The following THEMIS variants were observed in gnomAD, a reference collection of about 807,000 sequenced individuals.
The protein encoded by THEMIS is thymocyte selection associated.
Under a neutral mutation model 52.6 loss-of-function variants are expected in THEMIS, and 37 were observed. That is an observed-to-expected ratio of 0.70 (90% CI 0.54 to 0.93). The LOEUF is 0.93. THEMIS is among the 40% of genes least tolerant of loss of function. The probability of loss-of-function intolerance (pLI) is 0.00; values close to 1 mark genes in which losing one functional copy is unlikely to be tolerated. For synonymous variants in THEMIS, 292 were observed against 272.7 expected (o/e 1.07, Z -0.70); for missense variants, 808 against 763.1 (o/e 1.06, Z -0.69).
At chr6:127,849,946 A>G (rs570826663) in intron 2 of THEMIS, among the ~76,000 whole-genome samples, 1 of 152,302 alleles carries the variant, frequency 6.6e-6, no homozygotes, top group Non-Finnish European at 1.5e-5. Context: ...CAGAGTAAAC[A>G]GACAACCCAC....
chr6:127,895,430 A>G (rs1780935156), intron 1 of THEMIS, among the ~76,000 whole-genome samples: 2 of 151,736 alleles, frequency 1.3e-5, no homozygotes, highest in African/African-American at 4.8e-5. Flanking sequence ...ATTAGAATTA[A>G]CAAGGGAATT....
chr6:127,770,579 G>C (rs964221098), intron 4 of THEMIS, among the ~76,000 whole-genome samples: 3 of 152,124 alleles, frequency 2.0e-5, no homozygotes, highest in Non-Finnish European at 4.4e-5. Flanking sequence ...TAGGTTGCCT[G>C]TTCACTCTAA....
intron 4 of THEMIS, among the ~76,000 whole-genome samples, chr6:127,746,297 T>C (rs1775385947): frequency 6.6e-6 from 1 of 151,762 alleles, no homozygotes; most frequent in Admixed American, 6.6e-5. Flanking sequence ...GTATTTATGC[T>C]AGAAGCCATA....
chr6:127,873,486 G>A (rs529891687), intron 1 of THEMIS, among the ~76,000 whole-genome samples: 79 of 152,182 alleles, frequency 5.2e-4, no homozygotes, highest in Non-Finnish European at 8.5e-4. Flanking sequence ...CAAAAACAGC[G>A]CCACAGAAAT....
intron 4 of THEMIS, among the ~76,000 whole-genome samples, chr6:127,796,303 G>A (rs1455673757): frequency 6.6e-6 from 1 of 152,144 alleles, no homozygotes; most frequent in Non-Finnish European, 1.5e-5. Flanking sequence ...AGAAATTAGG[G>A]ATTAGAACTT....
chr6:127,719,867 A>G, intron 4 of THEMIS, 44 bp from the exon 5 acceptor site: 1 of 1,600,892 alleles, frequency 6.2e-7, no homozygotes, highest in East Asian at 2.3e-5. Flanking sequence ...TCCAAAATAA[A>G]TGCTTCATAG....
rs73773964 is a variant in THEMIS, at chr6:127,917,033, T to C, written c.-150+1395A>G. 5.1e-3 allele frequency among the ~76,000 whole-genome samples: 772 copies of C among 152,332 alleles called. 6 individuals are homozygous for C. The highest frequency in any genetic ancestry group is 0.018 in the African/African-American group (734 of 41,574). ...GAGTTTGCTTTTGCAAAAGCATTGA[T>C]GTTAAAATTTAGTCTATAGGGTCTA... On this transcript the variant is annotated intron_variant, in intron 1 of 6. Coordinates refer to the THEMIS transcript ENST00000368250.
chr6:127,816,267 T>C (rs1778130637), intron 3 of THEMIS, among the ~76,000 whole-genome samples: 1 of 141,696 alleles, frequency 7.1e-6, no homozygotes, highest in African/African-American at 2.6e-5. Context: ...GGTTCTCTTT[T>C]TCCCTCTATC....
rs71028110 is a variant in THEMIS at position 127,862,428 on chromosome 6, ATTTT to A, written c.92-7244_92-7241del. On this transcript the variant is annotated intron_variant, in intron 1 of 5. Transcript: ENST00000368248. Reference sequence around the variant, plus strand: ...GCAGGTGAAATCTCCTAGGGAGTAAATTTTTTTTTTTTTTTTTTTTTTGCTCTGT... The same window carrying A: ...GCAGGTGAAATCTCCTAGGGAGTAAATTTTTTTTTTTTTTTTTTGCTCTGT... Among the ~76,000 whole-genome samples, 43 of 72,800 alleles carry A rather than the reference ATTTT, an allele frequency of 5.9e-4. 1 individual carries two copies. The highest frequency in any genetic ancestry group is 8.6e-4 in the African/African-American group (18 of 21,040). The allele number at this position is 72,800 out of a possible 152,430, so 47.8% of individuals were successfully genotyped here.
chr6:127,890,945 A>G (rs1780786308), intron 1 of THEMIS, among the ~76,000 whole-genome samples: 1 of 152,118 alleles, frequency 6.6e-6, no homozygotes, highest in South Asian at 2.1e-4. Context: ...TTGATCAAAT[A>G]AAGTCCTGAT....
At position 127,829,488 on chromosome 6, in the gene THEMIS, C is replaced by A; in HGVS notation, c.697G>T (p.Gly233Cys). The A allele has an allele frequency of 6.2e-7, 1 of 1,603,232 alleles. No individual in the cohort carries two copies. The highest frequency in any genetic ancestry group is 8.5e-7 in the Non-Finnish European group (1 of 1,175,190). Residue 233 changes from glycine to cysteine, a missense_variant, in exon 3 of 6, where the codon GGT becomes TGT. Coordinates refer to ENST00000368248, the MANE Select transcript of THEMIS (RefSeq NM_001010923.3). The part of the protein sequence containing the change: ...LILKPVYEIQ[G>C]VMKFRKDIIR... Reference sequence around the variant, plus strand: ...AGTGGATACTCACATTTCATCACACCTTGAATTTCATAAACAGGCTTGAGA... The same window carrying A: ...AGTGGATACTCACATTTCATCACACATTGAATTTCATAAACAGGCTTGAGA...
chr6:127,826,900 C>A (rs982743074), intron 3 of THEMIS, among the ~76,000 whole-genome samples: 1 of 151,800 alleles, frequency 6.6e-6, no homozygotes. Context: ...GAGATTTTGG[C>A]CAAGTTTCCA....
chr6:127,814,070 G>A (rs1778044132), intron 3 of THEMIS, 139 bp from the exon 4 acceptor site: 1 of 759,610 alleles, frequency 1.3e-6, no homozygotes, highest in South Asian at 2.9e-5. Flanking sequence ...TCTTATGTGT[G>A]ATTTTCCTTT....
At chr6:127,801,989 G>A (rs1192063757) in intron 4 of THEMIS, among the ~76,000 whole-genome samples, 1 of 152,174 alleles carries the variant, frequency 6.6e-6, no homozygotes, top group African/African-American at 2.4e-5. Flanking sequence ...GGATCACCCT[G>A]AATTTGTTGA....
intron 4 of THEMIS, among the ~76,000 whole-genome samples, chr6:127,730,228 C>G (rs1177562298): frequency 6.8e-6 from 1 of 148,050 alleles, no homozygotes; most frequent in Non-Finnish European, 1.5e-5. Context: ...GATTGTGCCA[C>G]TGCAGTCCAG....
the THEMIS span, among the ~76,000 whole-genome samples, chr6:127,701,959 T>A: frequency 2.6e-5 from 4 of 152,140 alleles, no homozygotes; most frequent in Non-Finnish European, 2.9e-5. Context: ...TGGACTTATA[T>A]ATTGTAAATA....
At chr6:127,841,827 C>G (rs948503559) in intron 2 of THEMIS, among the ~76,000 whole-genome samples, 1 of 151,968 alleles carries the variant, frequency 6.6e-6, no homozygotes, top group African/African-American at 2.4e-5. Context: ...ACAAAATACC[C>G]CTTTTTGTCA....
chr6:127,852,133 G>T (rs892580030), intron 2 of THEMIS, among the ~76,000 whole-genome samples: 1 of 151,480 alleles, frequency 6.6e-6, no homozygotes, highest in African/African-American at 2.4e-5. Context: ...AACAAAAATT[G>T]CTACTAGAGT....
intron 4 of THEMIS, among the ~76,000 whole-genome samples, chr6:127,792,883 A>G (rs1777205173): frequency 6.6e-6 from 1 of 152,178 alleles, no homozygotes; most frequent in Non-Finnish European, 1.5e-5. Context: ...GAACAGGTAC[A>G]CTTTTTCCCA....
Sources: allele counts gnomAD v4.1 joint callset (sites outside exome capture counted in the v4.1 genomes callset), GRCh38; gene constraint gnomAD v4.1.1; transcripts MANE v1.5; gene names NCBI Gene and HGNC (gene_info 2026-07-23, HGNC 2026-07-21).